CCDC14: variants seen among roughly 807,000 people sequenced by gnomAD.
The protein encoded by CCDC14 is coiled-coil domain containing 14.
Under a neutral mutation model 81.4 loss-of-function variants are expected in CCDC14, and 71 were observed. That is an observed-to-expected ratio of 0.87 (90% CI 0.72 to 1.06). The LOEUF (loss-of-function observed/expected upper bound fraction) is 1.06, where lower values mean the gene tolerates loss of function less well. CCDC14 is among the 50% of genes least tolerant of loss of function. CCDC14 has a pLI of 0.00. For missense variants in CCDC14, 1,046 were observed against 1,047.3 expected, an observed-to-expected ratio of 1.00 and a Z score of 0.02; for synonymous variants, 332 against 364.8, an observed-to-expected ratio of 0.91 and a Z score of 1.03.
At chr3:123,908,856 A>G (rs545699701), downstream of CCDC14, among the ~76,000 whole-genome samples, 20 of 151,984 alleles carry the variant, frequency 1.3e-4, no homozygotes, top group African/African-American at 3.4e-4. Context: ...GTGAAGACCT[A>G]TTTTTTCAAA....
At chr3:123,892,492 T>C (rs893444451), downstream of CCDC14, among the ~76,000 whole-genome samples, 1 of 152,208 alleles carries the variant, frequency 6.6e-6, no homozygotes, top group Admixed American at 6.5e-5. Flanking sequence ...TGGAGACATT[T>C]TCTCCATTGT....
chr3:123,889,898 G>A, the CCDC14 span, among the ~76,000 whole-genome samples: 1 of 152,170 alleles, frequency 6.6e-6, no homozygotes, highest in African/African-American at 2.4e-5. Flanking sequence ...TCTAGGTGGA[G>A]GTTCATGAAT....
chr3:123,956,015 G>A (rs1443851058), intron 4 of CCDC14, 31 bp downstream of exon 4: 1 of 1,531,620 alleles, frequency 6.5e-7, no homozygotes, highest in African/African-American at 1.4e-5. Context: ...CTTGAGATAA[G>A]GTGATCAGCA....
chr3:123,957,690 G>A (rs2037408039), intron 1 of CCDC14: 1 of 151,990 alleles, frequency 6.6e-6, no homozygotes, highest in South Asian at 2.1e-4. Flanking sequence ...AGTTAATCAT[G>A]GTTGCCTCTG....
At chr3:123,949,297 T>C in intron 5 of CCDC14, 165 bp from the exon 6 acceptor site, 1 of 579,188 alleles carries the variant, frequency 1.7e-6, no homozygotes, top group South Asian at 2.4e-5. Flanking sequence ...TCTCAAATTC[T>C]TTCTGAAAGT....
chr3:123,910,253 G>A (rs560091580), downstream of CCDC14, among the ~76,000 whole-genome samples: 13 of 152,206 alleles, frequency 8.5e-5, no homozygotes, highest in African/African-American at 2.2e-4. Flanking sequence ...GATCTGCAGC[G>A]TGATGGCTAA....
At chr3:123,896,879 T>A (rs934961712), downstream of CCDC14, among the ~76,000 whole-genome samples, 1 of 152,178 alleles carries the variant, frequency 6.6e-6, no homozygotes, top group Non-Finnish European at 1.5e-5. Context: ...TATATAAGAA[T>A]AAGATAATAG....
intron 5 of CCDC14, among the ~76,000 whole-genome samples, chr3:123,907,511 C>A (rs1174980421): frequency 6.7e-6 from 1 of 150,082 alleles, no homozygotes; most frequent in African/African-American, 2.5e-5. Context: ...AGTTCAAAAC[C>A]AGCCTGGGAA....
At chr3:123,897,428 T>C (rs1457973647), downstream of CCDC14, 1 of 167,132 alleles carries the variant, frequency 6.0e-6, no homozygotes, top group Non-Finnish European at 1.3e-5. Flanking sequence ...TCCAAACTGA[T>C]TATTTCAAGC....
At chr3:123,926,987 T>C (rs2091662) in intron 12 of CCDC14, among the ~76,000 whole-genome samples, 16,752 of 152,108 alleles carry the variant, frequency 0.11, 2,062 homozygotes, top group East Asian at 0.42. Flanking sequence ...GTCACAGCAA[T>C]CCACTTATAG....
At position 123,949,123 on chromosome 3, in the gene CCDC14, T is replaced by C; in HGVS notation, c.362A>G (p.Asp121Gly). ...TTCATTAGGTATCTGTTTCTTATTA[T>C]CTGAAGATGCTAATGTGGAAGAAGA... is the stretch of plus-strand genomic sequence containing the variant. ...LVVQKETSSS[D>G]NKKQIPNEAS... Residue 121 changes from aspartate (D) to glycine (G), a missense_variant, in exon 6 of 13, where the codon GAT (aspartate) becomes GGT (glycine). By Grantham distance (94) the Asp-to-Gly change is moderately conservative. Transcript: ENST00000409697. 6.3e-7 allele frequency: 1 copy of C among 1,588,370 alleles called. No individual in the cohort carries two copies. Among genetic ancestry groups the C allele is most frequent in the Non-Finnish European group, 8.6e-7 (1 of 1,162,218 alleles).
rs769645731 is a variant in CCDC14, at chr3:123,946,916, T to C, written c.1088A>G (p.Asp363Gly). The C allele has an allele frequency of 5.0e-6, 8 of 1,613,884 alleles. No individual in the cohort carries two copies. The African/African-American group carries it at 9.3e-5, about 19-fold the overall frequency. Reference protein sequence around the residue: ...ERKDLNIHVRDTKTVKDVQKA... With the variant: ...ERKDLNIHVRGTKTVKDVQKA... ...CTGTACATCCTTCACTGTTTTTGTA[T>C]CTCGCACATGTATGTTTAAATCCTT... The change falls in exon 8 of 13, where the codon GAT becomes GGT. Residue 363 changes from aspartate to glycine, a missense_variant. Coordinates refer to ENST00000409697, the MANE Select transcript of CCDC14 (RefSeq NM_001366335.1).
intron 12 of CCDC14, among the ~76,000 whole-genome samples, chr3:123,926,534 TTTAA>T (rs1383786014): frequency 2.7e-5 from 4 of 146,882 alleles, no homozygotes; most frequent in Admixed American, 6.8e-5. Context: ...TTATATATTA[TTTAA>T]TTTATATATT....
chr3:123,923,765 A>G (rs2035190688), intron 12 of CCDC14, among the ~76,000 whole-genome samples: 1 of 151,054 alleles, frequency 6.6e-6, no homozygotes, highest in African/African-American at 2.4e-5. Flanking sequence ...TATACTAAAA[A>G]CTATGAAACA....
chr3:123,887,280 G>A, the CCDC14 span, among the ~76,000 whole-genome samples: 166 of 152,014 alleles, frequency 1.1e-3, no homozygotes, highest in African/African-American at 3.4e-3. Flanking sequence ...AGTTCCTTAT[G>A]TTTATGTATC....
intron 9 of CCDC14, among the ~76,000 whole-genome samples, chr3:123,936,297 G>A (rs2036052181): frequency 2.0e-5 from 3 of 151,692 alleles, no homozygotes; most frequent in East Asian, 1.9e-4. Flanking sequence ...AGATATGTAC[G>A]AAATTTAAAT....
intron 12 of CCDC14, among the ~76,000 whole-genome samples, chr3:123,918,579 AC>A (rs538838790): frequency 2.1e-3 from 322 of 152,214 alleles, no homozygotes; most frequent in African/African-American, 7.0e-3. Flanking sequence ...GAACAGTTTC[AC>A]CCCTTTCCAA....
Position 123,955,722 on chromosome 3 carries a change from C to A in CCDC14, c.352+121G>T, listed in dbSNP as rs189976842. ...GAAGCTGAATACAGAAAGGCATAAGCACACATAAACCTAACTAATACTGAT... is the reference window on the plus strand; with the variant it reads ...GAAGCTGAATACAGAAAGGCATAAGAACACATAAACCTAACTAATACTGAT... On this transcript the variant is annotated intron_variant, in intron 5 of 12. Coordinates refer to ENST00000409697, the MANE Select transcript of CCDC14 (RefSeq NM_001366335.1). 661 of 838,682 alleles carry A rather than the reference C, an allele frequency of 7.9e-4. 8 individuals carry two copies. The African/African-American group carries it at 0.011, about 14-fold the overall frequency. 52.0% of individuals were successfully genotyped at this position (838,682 alleles called of 1,614,324 possible). A position where few individuals can be genotyped will look rare whatever the true frequency, so the allele number is the denominator to read the frequency against.
At chr3:123,905,510 T>A (rs189408141) in intron 5 of CCDC14, among the ~76,000 whole-genome samples, 1 of 151,696 alleles carries the variant, frequency 6.6e-6, no homozygotes, top group Non-Finnish European at 1.5e-5. Context: ...CCTGTCCCAA[T>A]CCTATGGGAG....
Sources: allele counts gnomAD v4.1 joint callset (sites outside exome capture counted in the v4.1 genomes callset), GRCh38; gene constraint gnomAD v4.1.1; transcripts MANE v1.5; gene names NCBI Gene and HGNC (gene_info 2026-07-23, HGNC 2026-07-21).